The following FRAS1 variants were observed in gnomAD, a reference collection of about 807,000 sequenced individuals.
FRAS1 encodes the protein Fraser extracellular matrix complex subunit 1.
Under a neutral mutation model 435.2 loss-of-function variants are expected in FRAS1, and 290 were observed. That is an observed-to-expected ratio of 0.67 (90% CI 0.61 to 0.73). The LOEUF (loss-of-function observed/expected upper bound fraction) is 0.73, where lower values mean the gene tolerates loss of function less well. Among genes scored for constraint, FRAS1 ranks in the 30% least tolerant of loss-of-function variants. The pLI is 0.00. For synonymous variants in FRAS1, 1,800 were observed against 1,851.0 expected (o/e 0.97, Z 0.71); for missense variants, 4,860 against 5,001.5 (o/e 0.97, Z 0.85).
intron 66 of FRAS1, 95 bp from the exon 67 acceptor site, chr4:78,519,234 TAC>T: frequency 9.5e-7 from 1 of 1,052,666 alleles, no homozygotes; most frequent in South Asian, 2.1e-5. Context: ...AGTGTGTGAC[TAC>T]ATGGGTGAAT....
chr4:78,059,893 C>T (rs866253795), intron 1 of FRAS1, among the ~76,000 whole-genome samples: 2 of 3,650 alleles, frequency 5.5e-4, no homozygotes, highest in Admixed American at 4.0e-3. Flanking sequence ...AGACGGGGGG[C>T]GGGGGCGGGG....
At chr4:78,270,228 CT>C (rs1726590887) in intron 9 of FRAS1, among the ~76,000 whole-genome samples, 1 of 152,160 alleles carries the variant, frequency 6.6e-6, no homozygotes, top group Non-Finnish European at 1.5e-5. Flanking sequence ...AAACTGAATC[CT>C]TGTGCCCCAG....
chr4:78,274,837 G>T (rs1321603266), intron 9 of FRAS1, among the ~76,000 whole-genome samples: 1 of 152,164 alleles, frequency 6.6e-6, no homozygotes, highest in Non-Finnish European at 1.5e-5. Flanking sequence ...GGTCTGCTTG[G>T]TGCAGAGCTG....
rs755639107 is a variant in FRAS1, at chr4:78,507,519, G to T, written c.9415G>T (p.Glu3139Ter). 1.2e-6 allele frequency: 2 copies of T among 1,612,322 alleles called. No homozygotes were observed. The highest frequency in any genetic ancestry group is 1.7e-6 in the Non-Finnish European group (2 of 1,179,214). Reference sequence around the variant, plus strand: ...AGTCCTTGGCCCAGATGACCCAGTGGAAGCAGTTCTTGGGGATGTGACTAC... The same window carrying T: ...AGTCCTTGGCCCAGATGACCCAGTGTAAGCAGTTCTTGGGGATGTGACTAC... ...SLVLGPDDPVEAVLGDVTTAT... is the reference protein window; with the variant it reads ...SLVLGPDDPV Residue 3139 changes from glutamate (E) to a stop codon, truncating the protein, a stop_gained, in exon 62 of 74, where the codon GAA becomes TAA. Transcript: ENST00000512123. LOFTEE classifies it high-confidence loss of function.
chr4:78,383,993 C>A, intron 27 of FRAS1, 66 bp from the exon 28 acceptor site: 1 of 1,201,218 alleles, frequency 8.3e-7, no homozygotes, highest in Non-Finnish European at 1.2e-6. Context: ...TGTTTTTAAG[C>A]CTTTTCTGTG....
intron 2 of FRAS1, among the ~76,000 whole-genome samples, chr4:78,132,715 A>G (rs1018318926): frequency 1.9e-4 from 29 of 152,142 alleles, no homozygotes; most frequent in African/African-American, 7.0e-4. Flanking sequence ...CAAAGAAAGG[A>G]TGGTGGTAGG....
At chr4:78,386,216 T>C (rs1732213043) in intron 28 of FRAS1, among the ~76,000 whole-genome samples, 1 of 152,224 alleles carries the variant, frequency 6.6e-6, no homozygotes, top group Non-Finnish European at 1.5e-5. Flanking sequence ...AATGGAATTT[T>C]AGAAAATCAT....
At chr4:78,378,813 C>T (rs1731889040) in intron 26 of FRAS1, among the ~76,000 whole-genome samples, 2 of 152,034 alleles carry the variant, frequency 1.3e-5, no homozygotes, top group Admixed American at 1.3e-4. Flanking sequence ...TACTCCCATT[C>T]TGTGGGTTGT....
In FRAS1 at chr4:78,539,460, C is replaced by G; in HGVS notation, c.11445+20C>G. 1 of 1,474,540 alleles carries G rather than the reference C, an allele frequency of 6.8e-7. No homozygotes were observed. The allele number at this position is 1,474,540 out of a possible 1,614,324, so 91.3% of individuals were successfully genotyped here. A position where few individuals can be genotyped will look rare whatever the true frequency, so the allele number is the denominator to read the frequency against. On this transcript the variant is annotated intron_variant, in intron 73 of 73. Coordinates refer to ENST00000512123, the MANE Select transcript of FRAS1 (RefSeq NM_025074.7). ...TATAAGGTGAGTTTGGTGAGAAGAA[C>G]AGAAGCTTAAGACCAAGTCTACTTT...
At chr4:78,357,509 C>T (rs1228534053) in intron 20 of FRAS1, among the ~76,000 whole-genome samples, 1 of 152,086 alleles carries the variant, frequency 6.6e-6, no homozygotes, top group Non-Finnish European at 1.5e-5. Context: ...CTTTTTCTTC[C>T]CCTTCAGTTT....
chr4:78,344,117 C>T (rs1730507763), intron 20 of FRAS1, among the ~76,000 whole-genome samples: 1 of 151,240 alleles, frequency 6.6e-6, no homozygotes, highest in Admixed American at 6.6e-5. Flanking sequence ...CCTTCCCCTC[C>T]AGGACCAGCT....
At chr4:78,206,093 T>G (rs1364057600) in intron 2 of FRAS1, among the ~76,000 whole-genome samples, 2 of 152,032 alleles carry the variant, frequency 1.3e-5, no homozygotes, top group African/African-American at 4.8e-5. Context: ...CATGTATAAT[T>G]CTTATGTGGC....
At chr4:78,457,669 G>C (rs1160758379) in intron 47 of FRAS1, among the ~76,000 whole-genome samples, 1 of 152,198 alleles carries the variant, frequency 6.6e-6, no homozygotes, top group African/African-American at 2.4e-5. Flanking sequence ...TCAAGGACGA[G>C]TCTAGACGTC....
intron 45 of FRAS1, 67 bp from the exon 46 acceptor site, chr4:78,451,705 C>T: frequency 7.3e-7 from 1 of 1,364,734 alleles, no homozygotes; most frequent in East Asian, 2.4e-5. Flanking sequence ...TGAATTCACA[C>T]CTCTTGCTTC....
chr4:78,144,000 T>G (rs1460267238), intron 2 of FRAS1, among the ~76,000 whole-genome samples: 1 of 151,550 alleles, frequency 6.6e-6, no homozygotes, highest in African/African-American at 2.4e-5. Context: ...CTTAAAAAAT[T>G]TCCAAATATT....
At chr4:78,254,875 C>A (rs1725715468) in intron 5 of FRAS1, among the ~76,000 whole-genome samples, 2 of 152,166 alleles carry the variant, frequency 1.3e-5, no homozygotes, top group South Asian at 4.1e-4. Flanking sequence ...GATACCCTCA[C>A]AGACACCCCA....
chr4:78,372,986 T>G, intron 24 of FRAS1, 128 bp downstream of exon 24: 1 of 1,037,406 alleles, frequency 9.6e-7, no homozygotes. Context: ...GTTTCTTTCC[T>G]AAGAGCTATC....
At chr4:78,245,003 GT>G (rs964190218) in intron 3 of FRAS1, among the ~76,000 whole-genome samples, 4 of 151,482 alleles carry the variant, frequency 2.6e-5, no homozygotes, top group Non-Finnish European at 4.4e-5. Context: ...AAGATGTAGA[GT>G]TTTTTTTTCA....
At chr4:78,306,172 A>G (rs1728702060) in intron 14 of FRAS1, among the ~76,000 whole-genome samples, 1 of 151,908 alleles carries the variant, frequency 6.6e-6, no homozygotes, top group African/African-American at 2.4e-5. Context: ...CTTTTCTTTA[A>G]GAATGTTGAA....
Sources: gnomAD v4.1 joint callset for allele counts (sites outside exome capture counted in the v4.1 genomes callset) on GRCh38, gnomAD v4.1.1 for gene constraint, MANE v1.5 for transcripts, NCBI Gene and HGNC (gene_info 2026-07-23, HGNC 2026-07-21) for gene names.